Variants in TMEM117 observed in about 807,000 individuals in gnomAD.
The protein encoded by TMEM117 is transmembrane protein 117.
Under a neutral mutation model 52.4 loss-of-function variants are expected in TMEM117, and 27 were observed. The ratio of observed to expected loss-of-function variants is 0.51; its 90% confidence interval spans 0.38 to 0.71. The LOEUF (loss-of-function observed/expected upper bound fraction) is 0.71. Among genes scored for constraint, TMEM117 ranks in the 30% least tolerant of loss-of-function variants. TMEM117 has a pLI of 0.00. For synonymous variants in TMEM117, 215 were observed against 206.3 expected (o/e 1.04, Z -0.36); for missense variants, 556 against 630.5 (o/e 0.88, Z 1.26).
chr12:43,883,739 C>T (rs1180203189), intron 2 of TMEM117, among the ~76,000 whole-genome samples: 1 of 149,068 alleles, frequency 6.7e-6, no homozygotes, highest in Non-Finnish European at 1.5e-5. Flanking sequence ...ACACAAATAC[C>T]ATTCTTTCTT....
chr12:43,929,416 T>C (rs1944836353), intron 2 of TMEM117, among the ~76,000 whole-genome samples: 1 of 152,208 alleles, frequency 6.6e-6, no homozygotes, highest in African/African-American at 2.4e-5. Flanking sequence ...CTTTAATTAA[T>C]ATTGCCAACA....
intron 2 of TMEM117, among the ~76,000 whole-genome samples, chr12:43,860,837 G>A (rs1401630233): frequency 6.6e-6 from 1 of 152,192 alleles, no homozygotes; most frequent in Non-Finnish European, 1.5e-5. Context: ...GCTTTATTTA[G>A]TTTCTAAATT....
At chr12:44,297,238 T>G (rs1950780202) in intron 5 of TMEM117, among the ~76,000 whole-genome samples, 1 of 152,214 alleles carries the variant, frequency 6.6e-6, no homozygotes, top group African/African-American at 2.4e-5. Flanking sequence ...AATTTTACAG[T>G]ATCAGTTTAC....
chr12:43,872,648 A>C (rs1943726041), intron 2 of TMEM117, among the ~76,000 whole-genome samples: 1 of 152,222 alleles, frequency 6.6e-6, no homozygotes, highest in South Asian at 2.1e-4. Context: ...TAATTTGTTG[A>C]TAATGCCCAC....
At chr12:44,366,740 A>G (rs954439599) in intron 6 of TMEM117, among the ~76,000 whole-genome samples, 1 of 152,140 alleles carries the variant, frequency 6.6e-6, no homozygotes, top group African/African-American at 2.4e-5. Flanking sequence ...GTCTTTACTA[A>G]AAAAGATGAA....
chr12:43,975,862 A>C (rs1280405134), intron 3 of TMEM117, among the ~76,000 whole-genome samples: 1 of 152,210 alleles, frequency 6.6e-6, no homozygotes, highest in Non-Finnish European at 1.5e-5. Context: ...TTATGGCTTT[A>C]GGATGACATG....
At chr12:44,083,862 G>A (rs987374021) in intron 3 of TMEM117, among the ~76,000 whole-genome samples, 2 of 151,640 alleles carry the variant, frequency 1.3e-5, no homozygotes, top group African/African-American at 4.8e-5. Flanking sequence ...TACATGTTTT[G>A]TTCAGTTTTT....
rs867687150 is a variant in TMEM117, at chr12:44,388,220, C to A, written c.1093C>A (p.His365Asn). ...GCTATCCTGGGAATGGAGGTCCAAT[C>A]ACACTAACCCTCGGACTAATAAAAC... ...TKLSWEWRSN[H>N]TNPRTNKTYV... The change falls in exon 8 of 8, where the codon CAC becomes AAC. Residue 365 changes from histidine to asparagine, a missense_variant. Transcript: ENST00000266534. 6.2e-7 allele frequency: 1 copy of A among 1,613,486 alleles called. No individual in the cohort carries two copies. Among genetic ancestry groups the A allele is most frequent in the Non-Finnish European group, 8.5e-7 (1 of 1,179,624 alleles).
chr12:44,281,359 G>T (rs1950574833), intron 5 of TMEM117, among the ~76,000 whole-genome samples: 1 of 151,606 alleles, frequency 6.6e-6, no homozygotes, highest in Non-Finnish European at 1.5e-5. Context: ...TCTCTTTTAG[G>T]GGTACTTTTG....
At position 44,271,679 on chromosome 12, in the gene TMEM117, A is replaced by G. The variant is rs979841181; in HGVS notation, c.609-27901A>G. Among the ~76,000 whole-genome samples the G allele has an allele frequency of 5.3e-5, 8 of 152,080 alleles. No individual in the cohort carries two copies. In the East Asian group the frequency reaches 1.2e-3, roughly 22 times the overall value. On this transcript the variant is annotated intron_variant, in intron 5 of 7. Transcript: ENST00000266534. The stretch of plus-strand genomic sequence containing the variant: ...AGAAAACATAGGGAAATGTTCCATT[A>G]TATTCTGGGATAATACTCAAGATGA...
chr12:44,301,318 G>T (rs1950836667), intron 6 of TMEM117, among the ~76,000 whole-genome samples: 2 of 152,090 alleles, frequency 1.3e-5, no homozygotes, highest in South Asian at 4.1e-4. Flanking sequence ...AATAAAGACA[G>T]ATGGAAGAAA....
chr12:43,959,901 A>C (rs958954267), intron 3 of TMEM117, among the ~76,000 whole-genome samples: 4 of 152,184 alleles, frequency 2.6e-5, no homozygotes, highest in African/African-American at 9.7e-5. Flanking sequence ...ATGATTTCCA[A>C]AGGTATGTAG....
At chr12:44,299,271 C>T (rs1477658841) in intron 5 of TMEM117, among the ~76,000 whole-genome samples, 1 of 151,922 alleles carries the variant, frequency 6.6e-6, no homozygotes, top group Non-Finnish European at 1.5e-5. Context: ...GCTGGGACTA[C>T]AGGCGCACAC....
upstream of TMEM117, among the ~76,000 whole-genome samples, chr12:43,831,202 G>C (rs970922376): frequency 1.3e-5 from 2 of 152,188 alleles, no homozygotes; most frequent in African/African-American, 4.8e-5. Flanking sequence ...AGGAAATTAT[G>C]CTGTTTATAT....
At position 44,067,123 on chromosome 12, in the gene TMEM117, G is replaced by A. The variant is rs193129898; in HGVS notation, c.411-76402G>A. ...TGTTAGTTTTATCATGAGACCTGCA[G>A]CAATTTAGTCACCTCTTCAGGCTCT... On this transcript the variant is annotated intron_variant, in intron 3 of 7. Coordinates refer to ENST00000266534, the MANE Select transcript of TMEM117 (RefSeq NM_032256.3). 5.1e-3 allele frequency among the ~76,000 whole-genome samples: 778 copies of A among 152,246 alleles called. 7 individuals carry two copies. The highest frequency in any genetic ancestry group is 0.018 in the African/African-American group (736 of 41,548).
chr12:44,008,397 T>C (rs1286440197), intron 3 of TMEM117, among the ~76,000 whole-genome samples: 1 of 152,226 alleles, frequency 6.6e-6, no homozygotes, highest in Non-Finnish European at 1.5e-5. Flanking sequence ...AGATATCTCA[T>C]AGCTATACTT....
At chr12:43,900,732 T>A (rs896036865) in intron 2 of TMEM117, among the ~76,000 whole-genome samples, 2 of 132,358 alleles carry the variant, frequency 1.5e-5, no homozygotes, top group South Asian at 2.5e-4. Context: ...AAAAAAAAAA[T>A]TATTTTACAT....
At chr12:44,240,879 C>G (rs1037731623) in intron 5 of TMEM117, among the ~76,000 whole-genome samples, 3 of 151,996 alleles carry the variant, frequency 2.0e-5, no homozygotes, top group Non-Finnish European at 4.4e-5. Flanking sequence ...AAATTTAGCT[C>G]TTGGGCCAAA....
At chr12:44,167,682 A>C (rs1948987679) in intron 4 of TMEM117, among the ~76,000 whole-genome samples, 1 of 152,034 alleles carries the variant, frequency 6.6e-6, no homozygotes, top group Non-Finnish European at 1.5e-5. Context: ...AAAAGAACAT[A>C]AGCTGTAGAA....
Sources: gnomAD v4.1 joint callset for allele counts (sites outside exome capture counted in the v4.1 genomes callset) on GRCh38, gnomAD v4.1.1 for gene constraint, MANE v1.5 for transcripts, NCBI Gene and HGNC (gene_info 2026-07-23, HGNC 2026-07-21) for gene names.